Variants in RAD51B observed in about 807,000 individuals in gnomAD.
RAD51B encodes RAD51 paralog B, also known as DNA repair protein RAD51 homolog 2.
A neutral mutation model predicts 42.2 loss-of-function variants in RAD51B; 38 were observed. The observed-to-expected ratio is 0.90, with a 90% CI of 0.70 to 1.18. The LOEUF (loss-of-function observed/expected upper bound fraction) is 1.18. Among genes scored for constraint, RAD51B ranks in the 50% most tolerant of loss-of-function variants. RAD51B has a pLI of 0.00. For synonymous variants in RAD51B, 154 were observed against 145.2 expected, an observed-to-expected ratio of 1.06 and a Z score of -0.43; for missense variants, 373 against 400.7, an observed-to-expected ratio of 0.93 and a Z score of 0.59.
At chr14:68,448,789 G>A (rs1301637494) in intron 9 of RAD51B, among the ~76,000 whole-genome samples, 1 of 152,042 alleles carries the variant, frequency 6.6e-6, no homozygotes, top group Non-Finnish European at 1.5e-5. Context: ...GAATGGCAGA[G>A]CACACACTCT....
intron 10 of RAD51B, among the ~76,000 whole-genome samples, chr14:68,593,557 C>A (rs1018977482): frequency 6.6e-6 from 1 of 152,142 alleles, no homozygotes; most frequent in Non-Finnish European, 1.5e-5. Flanking sequence ...AGGGAATTCA[C>A]ATCATTAGTA....
intron 10 of RAD51B, among the ~76,000 whole-genome samples, chr14:68,636,460 G>A (rs1041903315): frequency 2.0e-5 from 3 of 151,902 alleles, no homozygotes; most frequent in African/African-American, 7.3e-5. Context: ...GCAGGCACCT[G>A]TAGTCCCGGC....
chr14:68,133,379 C>T (rs544171663), intron 7 of RAD51B, among the ~76,000 whole-genome samples: 1 of 152,202 alleles, frequency 6.6e-6, no homozygotes, highest in Non-Finnish European at 1.5e-5. Flanking sequence ...AAATGAATGT[C>T]TGGTAGAAGA....
At chr14:67,859,777 A>C (rs1269158149) in intron 4 of RAD51B, among the ~76,000 whole-genome samples, 1 of 152,240 alleles carries the variant, frequency 6.6e-6, no homozygotes, top group Non-Finnish European at 1.5e-5. Flanking sequence ...ACTTGTTCAT[A>C]AAATGGATGA....
At chr14:68,457,984 T>A (rs2140206301) in intron 9 of RAD51B, among the ~76,000 whole-genome samples, 1 of 151,900 alleles carries the variant, frequency 6.6e-6, no homozygotes, top group South Asian at 2.1e-4. Context: ...ACATGGTTTT[T>A]AAATTGTGTT....
intron 7 of RAD51B, among the ~76,000 whole-genome samples, chr14:67,976,462 A>G (rs2074996761): frequency 6.6e-6 from 1 of 150,928 alleles, no homozygotes; most frequent in African/African-American, 2.4e-5. Context: ...TATTTTATAT[A>G]TTTTTATTAT....
intron 7 of RAD51B, among the ~76,000 whole-genome samples, chr14:68,106,925 C>A (rs445921): frequency 0.19 from 28,464 of 151,696 alleles, 2,973 homozygotes; most frequent in Middle Eastern, 0.35. Context: ...TAAAACCTTG[C>A]AAGGCAGGTA....
At chr14:68,132,329 C>T (rs1037523556) in intron 7 of RAD51B, among the ~76,000 whole-genome samples, 2 of 152,082 alleles carry the variant, frequency 1.3e-5, no homozygotes, top group African/African-American at 4.8e-5. Context: ...AATGAATATC[C>T]ACAAAGGTTA....
chr14:68,490,860 C>T lies in RAD51B; in HGVS notation c.1036+22610C>T, dbSNP rs1016037344. 2.0e-5 allele frequency among the ~76,000 whole-genome samples: 3 copies of T among 151,964 alleles called. No individual in the cohort carries two copies. In the South Asian group the frequency reaches 6.2e-4, roughly 32 times the overall value. On this transcript the variant is annotated intron_variant, in intron 10 of 10. Transcript: ENST00000487270. ...GAGAGAAAGATGGACCTTGGAGAGG[C>T]CAAGGGGAGAGCGGGGAGTTAGAAA...
At chr14:68,667,044 T>C (rs908688893) in intron 11 of RAD51B, among the ~76,000 whole-genome samples, 8 of 152,172 alleles carry the variant, frequency 5.3e-5, no homozygotes, top group African/African-American at 1.9e-4. Flanking sequence ...GATGCAGGGG[T>C]TTATTTGCCA....
chr14:68,540,901 C>T (rs1410727254), intron 10 of RAD51B: 1 of 985,266 alleles, frequency 1.0e-6, no homozygotes, highest in Non-Finnish European at 1.2e-6. Flanking sequence ...AAGAGTAGGG[C>T]CAGATGATGT....
intron 7 of RAD51B, among the ~76,000 whole-genome samples, chr14:68,101,620 G>A (rs573804601): frequency 1.3e-5 from 2 of 152,344 alleles, no homozygotes; most frequent in Admixed American, 1.3e-4. Context: ...TGCAAGAGGT[G>A]GGCTTCCATG....
intron 7 of RAD51B, among the ~76,000 whole-genome samples, chr14:68,237,954 C>T (rs753072347): frequency 7.9e-5 from 12 of 152,108 alleles, no homozygotes; most frequent in East Asian, 1.9e-4. Context: ...AAGATGGTCT[C>T]GATCTCCTGA....
intron 7 of RAD51B, among the ~76,000 whole-genome samples, chr14:67,899,240 G>A (rs1331877005): frequency 2.6e-5 from 4 of 151,392 alleles, no homozygotes; most frequent in South Asian, 2.1e-4. Flanking sequence ...TAGTAGAGAC[G>A]GGGTTTCACC....
At chr14:68,448,677 T>G (rs2085479844) in intron 9 of RAD51B, among the ~76,000 whole-genome samples, 1 of 152,244 alleles carries the variant, frequency 6.6e-6, no homozygotes, top group Non-Finnish European at 1.5e-5. Flanking sequence ...TATTTTCATT[T>G]TGGCATAGTC....
At chr14:68,533,918 C>T (rs1337738248) in intron 10 of RAD51B, among the ~76,000 whole-genome samples, 12 of 151,884 alleles carry the variant, frequency 7.9e-5, no homozygotes, top group African/African-American at 1.2e-4. Flanking sequence ...GAGTTTGGCA[C>T]GAGGAGAGAG....
intron 7 of RAD51B, among the ~76,000 whole-genome samples, chr14:67,889,418 AAT>A (rs1212717369): frequency 1.3e-5 from 2 of 150,690 alleles, no homozygotes; most frequent in South Asian, 4.2e-4. Flanking sequence ...ATGTCAATTT[AAT>A]ATGTTATATA....
intron 7 of RAD51B, among the ~76,000 whole-genome samples, chr14:67,949,063 C>A (rs111491995): frequency 6.6e-6 from 1 of 151,632 alleles, no homozygotes; most frequent in East Asian, 1.9e-4. Flanking sequence ...GGTCCCCTCT[C>A]AATGTTGATA....
downstream of RAD51B, among the ~76,000 whole-genome samples, chr14:68,613,810 G>A (rs1398458849): frequency 6.6e-6 from 1 of 152,144 alleles, no homozygotes; most frequent in East Asian, 1.9e-4. Flanking sequence ...AGGGCGAGTG[G>A]CAGCCCATTT....
Sources: gnomAD v4.1 joint callset for allele counts (sites outside exome capture counted in the v4.1 genomes callset) on GRCh38, gnomAD v4.1.1 for gene constraint, MANE v1.5 for transcripts, NCBI Gene and HGNC (gene_info 2026-07-23, HGNC 2026-07-21) for gene names.